DOCK4: variants seen among roughly 807,000 people sequenced by gnomAD.
DOCK4 encodes dedicator of cytokinesis 4.
Under a neutral mutation model 268.1 loss-of-function variants are expected in DOCK4, and 97 were observed. The observed-to-expected ratio is 0.36, with a 90% CI of 0.31 to 0.43. The LOEUF (loss-of-function observed/expected upper bound fraction) is 0.43. Ranked by LOEUF, DOCK4 falls within the 20% of genes least tolerant of loss-of-function variation. DOCK4 has a pLI of 1.00. For synonymous variants in DOCK4, 954 were observed against 887.2 expected (o/e 1.08, Z -1.34); for missense variants, 2,145 against 2,455.7 (o/e 0.87, Z 2.67).
At chr7:112,002,730 C>G (rs1800527477) in intron 2 of DOCK4, among the ~76,000 whole-genome samples, 1 of 152,110 alleles carries the variant, frequency 6.6e-6, no homozygotes, top group African/African-American at 2.4e-5. Flanking sequence ...TAACGGGGCT[C>G]TAAAATGTAG....
At chr7:111,889,045 G>A (rs570715533) in intron 16 of DOCK4, among the ~76,000 whole-genome samples, 15 of 152,090 alleles carry the variant, frequency 9.9e-5, no homozygotes, top group Admixed American at 3.3e-4. Context: ...AGTATGAACT[G>A]GTTAGCATTG....
chr7:112,181,639 C>CAAAAAAAAAAAAAAAAAAAA lies in DOCK4; in HGVS notation c.37+24443_37+24462dup, dbSNP rs55807955. Among the ~76,000 whole-genome samples the CAAAAAAAAAAAAAAAAAAAA allele has an allele frequency of 6.1e-5, 4 of 65,376 alleles. 1 individual carries two copies. The highest frequency in any genetic ancestry group is 2.7e-4 in the African/African-American group (4 of 14,720). The allele number at this position is 65,376 out of a possible 152,430, so 42.9% of individuals were successfully genotyped here. On this transcript the variant is annotated intron_variant, in intron 1 of 52. Transcript: ENST00000428084. ...TGAGCAACAGAGTAAGACACTGTCT[C>CAAAAAAAAAAAAAAAAAAAA]AAAAAAAAAAAAAAAAAAAAGCTTG...
intron 26 of DOCK4, among the ~76,000 whole-genome samples, chr7:111,827,972 C>T (rs1435424464): frequency 6.6e-6 from 1 of 152,100 alleles, no homozygotes; most frequent in African/African-American, 2.4e-5. Context: ...CATGTATAAT[C>T]TTGTGCTTAT....
intron 7 of DOCK4, among the ~76,000 whole-genome samples, chr7:111,981,613 T>C (rs1006671235): frequency 6.6e-6 from 1 of 152,088 alleles, no homozygotes; most frequent in Non-Finnish European, 1.5e-5. Context: ...ACTATTTGAG[T>C]TGTTTTTGGG....
chr7:111,793,121 T>G (rs1799664837), intron 30 of DOCK4, among the ~76,000 whole-genome samples: 1 of 152,366 alleles, frequency 6.6e-6, no homozygotes, highest in East Asian at 1.9e-4. Flanking sequence ...CACTCTCTAT[T>G]ATATCCTCAG....
chr7:111,780,927 A>T (rs1205697038), intron 35 of DOCK4, among the ~76,000 whole-genome samples: 1 of 152,042 alleles, frequency 6.6e-6, no homozygotes, highest in African/African-American at 2.4e-5. Context: ...TTCTAGAAGG[A>T]CTATTCTTGG....
intron 7 of DOCK4, among the ~76,000 whole-genome samples, chr7:111,983,985 C>T (rs1204272447): frequency 6.6e-6 from 1 of 152,000 alleles, no homozygotes; most frequent in African/African-American, 2.4e-5. Flanking sequence ...TCAAACACAA[C>T]AGATAAGTAT....
intron 1 of DOCK4, among the ~76,000 whole-genome samples, chr7:112,097,126 G>A (rs1810215940): frequency 6.6e-6 from 1 of 152,206 alleles, no homozygotes; most frequent in Admixed American, 6.5e-5. Context: ...CCACCCAGAA[G>A]AGAGGAAGTG....
At chr7:112,143,366 C>T (rs528873235) in intron 1 of DOCK4, among the ~76,000 whole-genome samples, 5 of 152,162 alleles carry the variant, frequency 3.3e-5, no homozygotes, top group South Asian at 2.1e-4. Flanking sequence ...AGCTTATATA[C>T]GGTCAAGTAT....
At chr7:112,087,083 C>T (rs930281153) in intron 1 of DOCK4, among the ~76,000 whole-genome samples, 1 of 152,066 alleles carries the variant, frequency 6.6e-6, no homozygotes, top group African/African-American at 2.4e-5. Context: ...GGCAGCTCAC[C>T]AGGCTAGGGC....
chr7:112,164,196 A>C (rs1817385686), intron 1 of DOCK4, among the ~76,000 whole-genome samples: 1 of 152,084 alleles, frequency 6.6e-6, no homozygotes, highest in Non-Finnish European at 1.5e-5. Context: ...TGCTTGAGCC[A>C]GAAGTTTGAA....
At chr7:111,769,006 G>A (rs1476316599) in intron 37 of DOCK4, among the ~76,000 whole-genome samples, 1 of 152,160 alleles carries the variant, frequency 6.6e-6, no homozygotes, top group Non-Finnish European at 1.5e-5. Context: ...AGGCCCCAGA[G>A]AGTTAGCCAG....
chr7:111,784,033 C>CT (rs1220158762), intron 33 of DOCK4, 64 bp downstream of exon 33: 3 of 1,571,728 alleles, frequency 1.9e-6, no homozygotes, highest in Non-Finnish European at 2.6e-6. Context: ...TCATCAGTAC[C>CT]TTAAATGCCT....
intron 26 of DOCK4, among the ~76,000 whole-genome samples, chr7:111,829,310 A>G (rs1269802178): frequency 3.9e-5 from 6 of 152,326 alleles, no homozygotes; most frequent in African/African-American, 1.4e-4. Flanking sequence ...AAGTTTAGGG[A>G]AAAGCTGAGT....
chr7:111,871,873 T>A, intron 20 of DOCK4, 117 bp downstream of exon 20: 1 of 722,516 alleles, frequency 1.4e-6, no homozygotes. Context: ...AAGAGACACT[T>A]CAGTAGTGCT....
Position 112,004,513 on chromosome 7 carries a change from T to C in DOCK4, c.38-382A>G, listed in dbSNP as rs138176052. ...GCCCATAGTAGTTAATAAATATGTG[T>C]TCAATAATAAACGAGGAATATATTT... is the stretch of plus-strand genomic sequence containing the variant. On this transcript the variant is annotated intron_variant, in intron 1 of 52. Transcript: ENST00000428084. Among the ~76,000 whole-genome samples, 19 of 152,348 alleles carry C rather than the reference T, an allele frequency of 1.2e-4. No homozygotes were observed. In the East Asian group the frequency reaches 3.7e-3, roughly 29 times the overall value.
chr7:112,131,596 T>C (rs567420465), intron 1 of DOCK4, among the ~76,000 whole-genome samples: 74 of 152,308 alleles, frequency 4.9e-4, no homozygotes, highest in African/African-American at 1.8e-3. Flanking sequence ...TATGCATGCA[T>C]TGTACAATGC....
chr7:112,124,048 AG>A (rs1812994631), intron 1 of DOCK4, among the ~76,000 whole-genome samples: 1 of 151,548 alleles, frequency 6.6e-6, no homozygotes, highest in Admixed American at 6.6e-5. Context: ...TTTTAGAAAT[AG>A]GGTTTTGCTT....
intron 9 of DOCK4, among the ~76,000 whole-genome samples, chr7:111,945,422 G>A (rs1392563355): frequency 6.6e-6 from 1 of 152,144 alleles, no homozygotes; most frequent in Admixed American, 6.5e-5. Flanking sequence ...CTGACCTCAG[G>A]TGATCCACCC....
Sources: allele counts gnomAD v4.1 joint callset (sites outside exome capture counted in the v4.1 genomes callset), GRCh38; gene constraint gnomAD v4.1.1; transcripts MANE v1.5; gene names NCBI Gene and HGNC (gene_info 2026-07-23, HGNC 2026-07-21).